The following GRM7 variants were observed in gnomAD, a reference collection of about 807,000 sequenced individuals.
The protein encoded by GRM7 is glutamate metabotropic receptor 7, also known as metabotropic glutamate receptor 7.
Under a neutral mutation model 84.5 loss-of-function variants are expected in GRM7, and 35 were observed. The ratio of observed to expected loss-of-function variants is 0.41; its 90% confidence interval spans 0.32 to 0.55. GRM7 has a LOEUF of 0.55. GRM7 is among the 20% of genes least tolerant of loss of function. The pLI is 0.19. For synonymous variants in GRM7, 487 were observed against 455.1 expected, an observed-to-expected ratio of 1.07 and a Z score of -0.89; for missense variants, 1,003 against 1,194.6, an observed-to-expected ratio of 0.84 and a Z score of 2.36.
At chr3:7,201,118 C>T (rs1696055159) in intron 2 of GRM7, among the ~76,000 whole-genome samples, 1 of 151,750 alleles carries the variant, frequency 6.6e-6, no homozygotes, top group South Asian at 2.1e-4. Context: ...TACAGACACC[C>T]ACCACCACGC....
At chr3:7,520,415 T>C (rs577897985) in intron 7 of GRM7, 2 of 152,294 alleles carry the variant, frequency 1.3e-5, no homozygotes, top group South Asian at 2.1e-4. Flanking sequence ...CCCTTATTAA[T>C]TCTCCTAACT....
chr3:7,391,411 G>A (rs1473440562), intron 4 of GRM7, among the ~76,000 whole-genome samples: 2 of 152,124 alleles, frequency 1.3e-5, no homozygotes, highest in Non-Finnish European at 2.9e-5. Flanking sequence ...ACTTTGTAGG[G>A]ACATGGATGA....
intron 4 of GRM7, among the ~76,000 whole-genome samples, chr3:7,346,545 A>G (rs952197516): frequency 6.6e-6 from 1 of 152,132 alleles, no homozygotes; most frequent in African/African-American, 2.4e-5. Flanking sequence ...AAAGAGAACA[A>G]TTACTCCCAG....
chr3:7,148,787 C>T (rs1052597591), intron 2 of GRM7, among the ~76,000 whole-genome samples: 2 of 152,148 alleles, frequency 1.3e-5, no homozygotes, highest in Admixed American at 6.5e-5. Context: ...ATAAGGATTC[C>T]GTCAGTGGCA....
intron 2 of GRM7, among the ~76,000 whole-genome samples, chr3:7,162,481 A>G (rs1170951498): frequency 6.6e-6 from 1 of 152,166 alleles, no homozygotes; most frequent in African/African-American, 2.4e-5. Context: ...GAGCTTTGCA[A>G]CATGGAGATG....
intron 8 of GRM7, among the ~76,000 whole-genome samples, chr3:7,640,657 T>A (rs917463142): frequency 1.3e-5 from 2 of 152,230 alleles, no homozygotes; most frequent in Non-Finnish European, 2.9e-5. Context: ...TGAGAAATAC[T>A]ATTTATAGCA....
intron 8 of GRM7, among the ~76,000 whole-genome samples, chr3:7,609,622 A>G (rs774576760): frequency 6.6e-6 from 1 of 152,124 alleles, no homozygotes; most frequent in African/African-American, 2.4e-5. Flanking sequence ...CTTCTGTTCT[A>G]TGAGATATAA....
Position 7,211,134 on chromosome 3 carries a change from C to G in GRM7, c.736+64466C>G, listed in dbSNP as rs117543403. The stretch of plus-strand genomic sequence containing the variant: ...ATTTGGCATATCTTTAAAAAGTAGA[C>G]TTTTCTTCTTCACCTTTGACTAAAG... On this transcript the variant is annotated intron_variant, in intron 2 of 9. Transcript: ENST00000357716. Among the ~76,000 whole-genome samples the G allele has an allele frequency of 2.8e-3, 420 of 152,278 alleles. 5 individuals are homozygous for G. In the East Asian group the frequency reaches 0.028, roughly 10 times the overall value.
chr3:7,464,214 T>A (rs1441216339), intron 7 of GRM7, among the ~76,000 whole-genome samples: 1 of 151,300 alleles, frequency 6.6e-6, no homozygotes, highest in African/African-American at 2.4e-5. Context: ...CAGGGACATG[T>A]GTGATAGTGA....
At chr3:7,540,203 A>C (rs1458120186) in intron 7 of GRM7, among the ~76,000 whole-genome samples, 2 of 152,196 alleles carry the variant, frequency 1.3e-5, no homozygotes, top group Non-Finnish European at 2.9e-5. Flanking sequence ...TGGGATAACC[A>C]GATGACCCAG....
At chr3:7,647,756 C>T (rs763789958) in intron 8 of GRM7, among the ~76,000 whole-genome samples, 1 of 152,018 alleles carries the variant, frequency 6.6e-6, no homozygotes. Context: ...AACAAATGTG[C>T]TACAGGCTGG....
chr3:7,040,269 T>A (rs9834029), intron 1 of GRM7, among the ~76,000 whole-genome samples: 3,584 of 152,130 alleles, frequency 0.024, 119 homozygotes, highest in African/African-American at 0.082. Flanking sequence ...CACAGTGGAG[T>A]GCGTTTCATG....
chr3:7,373,122 C>T (rs1411836785), intron 4 of GRM7, among the ~76,000 whole-genome samples: 1 of 152,132 alleles, frequency 6.6e-6, no homozygotes, highest in Non-Finnish European at 1.5e-5. Flanking sequence ...TGAAGTTACA[C>T]AGTTCAAAGG....
At chr3:7,610,385 G>A (rs550097414) in intron 8 of GRM7, among the ~76,000 whole-genome samples, 10 of 152,256 alleles carry the variant, frequency 6.6e-5, no homozygotes, top group African/African-American at 2.2e-4. Context: ...GCTGTCATTG[G>A]TTCCAGACTA....
At chr3:7,381,795 A>G (rs1181254202) in intron 4 of GRM7, among the ~76,000 whole-genome samples, 1 of 152,172 alleles carries the variant, frequency 6.6e-6, no homozygotes, top group Non-Finnish European at 1.5e-5. Flanking sequence ...TTTTGATTAT[A>G]TCCTATCAAT....
chr3:6,958,135 A>G (rs1462897955), intron 1 of GRM7, among the ~76,000 whole-genome samples: 2 of 152,022 alleles, frequency 1.3e-5, no homozygotes, highest in African/African-American at 4.8e-5. Context: ...TAATCAAAAC[A>G]TCAAATTTAC....
chr3:6,958,010 T>C (rs910350923), intron 1 of GRM7, among the ~76,000 whole-genome samples: 14 of 152,172 alleles, frequency 9.2e-5, no homozygotes, highest in East Asian at 3.8e-4. Context: ...TAAATAACTC[T>C]GTTGAGGTAA....
chr3:7,692,998 A>C (rs1209025255), intron 9 of GRM7, among the ~76,000 whole-genome samples: 1 of 146,992 alleles, frequency 6.8e-6, no homozygotes, highest in African/African-American at 2.5e-5. Flanking sequence ...TTTCTTTTCG[A>C]TATTGCAAAG....
At chr3:7,642,429 CAA>C (rs1698407199) in intron 8 of GRM7, among the ~76,000 whole-genome samples, 1 of 152,128 alleles carries the variant, frequency 6.6e-6, no homozygotes, top group African/African-American at 2.4e-5. Flanking sequence ...CTCATACAAA[CAA>C]ATGAAATATT....
Sources: gnomAD v4.1 joint callset for allele counts (sites outside exome capture counted in the v4.1 genomes callset) on GRCh38, gnomAD v4.1.1 for gene constraint, MANE v1.5 for transcripts, NCBI Gene and HGNC (gene_info 2026-07-23, HGNC 2026-07-21) for gene names.